The following GYPE variants were observed in gnomAD, a reference collection of about 807,000 sequenced individuals.
GYPE encodes glycophorin-E.
Under a neutral mutation model 11.6 loss-of-function variants are expected in GYPE, and 8 were observed. The ratio of observed to expected loss-of-function variants is 0.69; its 90% CI spans 0.41 to 1.25. The LOEUF is 1.25. GYPE is among the 50% of genes most tolerant of loss of function. GYPE has a pLI of 0.01. For synonymous variants in GYPE, 28 were observed against 29.6 expected (o/e 0.94, Z 0.18); for missense variants, 90 against 92.8 (o/e 0.97, Z 0.12).
chr4:143,878,523 G>A, intron 2 of GYPE: 1 of 389,774 alleles, frequency 2.6e-6, no homozygotes, highest in Non-Finnish European at 5.0e-6. Flanking sequence ...TGTGAATAAA[G>A]TTAACAACAT....
intron 1 of GYPE, among the ~76,000 whole-genome samples, chr4:143,899,948 T>C (rs1448128840): frequency 2.4e-5 from 1 of 41,228 alleles, no homozygotes; most frequent in Non-Finnish European, 6.3e-5. Context: ...GAAAAAAAAA[T>C]TGGACTTGAA....
chr4:143,878,399 A>G (rs1743890014), intron 2 of GYPE, among the ~76,000 whole-genome samples: 1 of 152,176 alleles, frequency 6.6e-6, no homozygotes, highest in South Asian at 2.1e-4. Flanking sequence ...GCCTCTGAAA[A>G]TTCTGGGATT....
intron 1 of GYPE, among the ~76,000 whole-genome samples, chr4:143,889,774 C>A (rs1162625981): frequency 3.3e-5 from 5 of 152,116 alleles, no homozygotes; most frequent in African/African-American, 1.2e-4. Flanking sequence ...TACTTCATTC[C>A]ACACATCTCT....
chr4:143,895,804 C>T (rs1744606545), intron 1 of GYPE, among the ~76,000 whole-genome samples: 1 of 152,018 alleles, frequency 6.6e-6, no homozygotes, highest in East Asian at 1.9e-4. Flanking sequence ...GGTACCAAAA[C>T]AGAGATATAG....
chr4:143,898,724 A>T (rs1744752235), intron 1 of GYPE, among the ~76,000 whole-genome samples: 1 of 152,206 alleles, frequency 6.6e-6, no homozygotes, highest in South Asian at 2.1e-4. Context: ...ATTTTTTGCT[A>T]ACGAATCAAT....
chr4:143,901,954 A>T (rs570581393), intron 1 of GYPE, among the ~76,000 whole-genome samples: 1 of 152,072 alleles, frequency 6.6e-6, no homozygotes, highest in African/African-American at 2.4e-5. Context: ...CAAGCTAAAG[A>T]TATCTATAGA....
rs913624607 is a variant in GYPE at position 143,871,542 on chromosome 4, A to T, written c.*720T>A. ...TGTACAAGGAGAGGAATGCAGAGGG[A>T]AAGCGATTCACTGGAGTCTCTCGTC... On this transcript the variant is annotated 3_prime_UTR_variant, in exon 4 of 4. Transcript: ENST00000358615. The T allele has an allele frequency of 2.0e-5, 3 of 152,188 alleles. No individual in the cohort carries two copies. Among genetic ancestry groups the T allele is most frequent in the African/African-American group, 7.2e-5 (3 of 41,424 alleles). The allele number at this position is 152,188 out of a possible 1,614,324, so 9.4% of individuals were successfully genotyped here.
Position 143,881,552 on chromosome 4 carries a change from A to G in GYPE, c.38-1043T>C, listed in dbSNP as rs552915409. On this transcript the variant is annotated intron_variant, in intron 1 of 3. Transcript: ENST00000358615. ...ATATGGGATCATGGTGTTTAAATAT[A>G]TATGAATATGTATATAATGTTTACA... Among the ~76,000 whole-genome samples the G allele has an allele frequency of 5.9e-3, 901 of 152,198 alleles. 13 individuals are homozygous for G. Among genetic ancestry groups the G allele is most frequent in the African/African-American group, 0.021 (859 of 41,496 alleles).
intron 1 of GYPE, among the ~76,000 whole-genome samples, chr4:143,880,902 G>A (rs1207226921): frequency 8.0e-5 from 12 of 149,758 alleles, no homozygotes; most frequent in African/African-American, 1.7e-4. Flanking sequence ...AGCATTACAT[G>A]TATGTTGGGT....
At chr4:143,889,302 T>C (rs2440809) in intron 1 of GYPE, among the ~76,000 whole-genome samples, 146 of 148,842 alleles carry the variant, frequency 9.8e-4, no homozygotes, top group African/African-American at 3.0e-3. Context: ...AGAAAAAAAT[T>C]GGTCACTCTG....
intron 3 of GYPE, among the ~76,000 whole-genome samples, chr4:143,874,161 C>G (rs1467693982): frequency 6.6e-6 from 1 of 151,946 alleles, no homozygotes; most frequent in Non-Finnish European, 1.5e-5. Flanking sequence ...GTTATTGTCT[C>G]TTTAAAAATG....
intron 1 of GYPE, among the ~76,000 whole-genome samples, chr4:143,883,748 C>T (rs939323708): frequency 6.6e-6 from 1 of 150,384 alleles, no homozygotes; most frequent in African/African-American, 2.4e-5. Context: ...ATGCAAGCAT[C>T]TGGAAAAATA....
At chr4:143,884,074 C>T (rs1243166457) in intron 1 of GYPE, among the ~76,000 whole-genome samples, 2 of 151,754 alleles carry the variant, frequency 1.3e-5, no homozygotes, top group African/African-American at 2.4e-5. Context: ...CTGCTTGCCT[C>T]ACATCTTCAT....
intron 1 of GYPE, among the ~76,000 whole-genome samples, chr4:143,891,544 G>A (rs1043096682): frequency 2.0e-5 from 3 of 151,732 alleles, no homozygotes; most frequent in East Asian, 1.9e-4. Flanking sequence ...TAGCCAGGAC[G>A]ATCTTGATCT....
intron 1 of GYPE, among the ~76,000 whole-genome samples, chr4:143,901,062 C>G (rs1363320754): frequency 6.6e-6 from 1 of 152,198 alleles, no homozygotes; most frequent in Non-Finnish European, 1.5e-5. Context: ...TGCTATATCA[C>G]TGTTGGTTTT....
chr4:143,874,500 C>A (rs1743723784), intron 3 of GYPE, among the ~76,000 whole-genome samples: 1 of 152,210 alleles, frequency 6.6e-6, no homozygotes, highest in African/African-American at 2.4e-5. Flanking sequence ...TATTCAAATG[C>A]AGATGCTGAA....
In GYPE at chr4:143,891,324, TG is replaced by T. The variant is rs1281744015; in HGVS notation, c.38-10816del. Among the ~76,000 whole-genome samples the T allele has an allele frequency of 0.015, 41 of 2,716 alleles. 7 individuals carry two copies. The South Asian group carries it at 0.75, about 50-fold the overall frequency. The allele number at this position is 2,716 out of a possible 152,430, so 1.8% of individuals were successfully genotyped here. On this transcript the variant is annotated intron_variant, in intron 1 of 3. Transcript: ENST00000358615. ...TTATTATTATTATTTTGATTTTTTT[TG>T]TTTCTTTTTTTTTTTTTTTTTGAGA...
intron 3 of GYPE, among the ~76,000 whole-genome samples, chr4:143,872,588 G>T (rs183664879): frequency 1.3e-5 from 2 of 152,014 alleles, no homozygotes; most frequent in Non-Finnish European, 2.9e-5. Context: ...GCGTTGGGTA[G>T]GCAGGGAAGA....
At chr4:143,903,988 T>A (rs1578984941) in intron 1 of GYPE, among the ~76,000 whole-genome samples, 1 of 152,298 alleles carries the variant, frequency 6.6e-6, no homozygotes. Flanking sequence ...CTTTTTTTTC[T>A]GTGTAATAGC....
Sources: gnomAD v4.1 joint callset for allele counts (sites outside exome capture counted in the v4.1 genomes callset) on GRCh38, gnomAD v4.1.1 for gene constraint, MANE v1.5 for transcripts, NCBI Gene and HGNC (gene_info 2026-07-23, HGNC 2026-07-21) for gene names.